ASXL1: variants seen among roughly 807,000 people sequenced by gnomAD.
ASXL1 encodes polycomb group protein ASXL1.
In ASXL1, 65 loss-of-function variants were observed where a neutral mutation model predicts 89.1. That is an observed-to-expected ratio of 0.73 (90% CI 0.60 to 0.90). ASXL1 has a LOEUF of 0.90. ASXL1 is among the 40% of genes least tolerant of loss of function. The probability of loss-of-function intolerance (pLI) is 0.00; values close to 1 mark genes in which losing one functional copy is unlikely to be tolerated. For missense variants in ASXL1, 1,786 were observed against 1,942.9 expected (o/e 0.92, Z 1.52); for synonymous variants, 739 against 746.9 (o/e 0.99, Z 0.17).
chr20:32,429,833 T>G lies in ASXL1; in HGVS notation c.566-68T>G, dbSNP rs2123220497. The G allele has an allele frequency of 3.2e-6, 5 of 1,573,552 alleles. No homozygotes were observed. Among genetic ancestry groups the G allele is most frequent in the East Asian group, 2.2e-5 (1 of 44,542 alleles). ...GCATCTCAGGGAGAGCTGGGAGAAA[T>G]GAGCTTGTCTGAGAGCCATGGGCGC... On this transcript the variant is annotated intron_variant, in intron 7 of 12. Coordinates refer to ENST00000375687, the MANE Select transcript of ASXL1 (RefSeq NM_015338.6). This position sits in a 1 kb window ranked among gnomAD's most constrained non-coding sequence, Gnocchi z 4.9.
intron 4 of ASXL1, among the ~76,000 whole-genome samples, chr20:32,406,760 C>T (rs994152814): frequency 6.6e-6 from 1 of 152,140 alleles, no homozygotes; most frequent in African/African-American, 2.4e-5. Context: ...TCTCAACCCG[C>T]GTGGGCTTCA....
intron 4 of ASXL1, among the ~76,000 whole-genome samples, chr20:32,403,785 C>T (rs975171318): frequency 5.3e-5 from 8 of 152,212 alleles, no homozygotes; most frequent in South Asian, 2.1e-4. Flanking sequence ...ATGCATTAAA[C>T]CCATTGGTTA....
In ASXL1 at chr20:32,436,375, ATCC is replaced by A; in HGVS notation, c.3666_3668del (p.Ser1223del). On this transcript the variant is annotated inframe_deletion, in exon 13 of 13. Transcript: ENST00000375687. ...TCCATCCAGTGACAAATCCCATTAC[ATCC>A]TCTAGGAAACTGGAAGAAATGGATT... is the stretch of plus-strand genomic sequence containing the variant. The A allele has an allele frequency of 6.2e-7, 1 of 1,613,708 alleles. No individual in the cohort carries two copies.
At chr20:32,400,500 G>T (rs986538576) in intron 4 of ASXL1, among the ~76,000 whole-genome samples, 2 of 152,132 alleles carry the variant, frequency 1.3e-5, no homozygotes, top group Admixed American at 1.3e-4. Flanking sequence ...AATCTTGAGG[G>T]TTGTCTTGAG....
rs2281542 is a variant in ASXL1, at chr20:32,427,840, T to C, written c.253-288T>C. ...ATTTGAGCTCCTTGAGAGCAGGGCC[T>C]TGATTCCTGCTCCTTAGCACTCCAC... On this transcript the variant is annotated intron_variant, in intron 4 of 12. Transcript: ENST00000375687. 157,588 of 406,346 alleles carry C rather than the reference T, an allele frequency of 0.39. 33,151 individuals are homozygous for C. The highest frequency in any genetic ancestry group is 0.74 in the East Asian group (13,747 of 18,614). 25.2% of individuals were successfully genotyped at this position (406,346 alleles called of 1,614,324 possible). A position where few individuals can be genotyped will look rare whatever the true frequency, so the allele number is the denominator to read the frequency against.
chr20:32,396,716 C>T (rs1458961927), intron 4 of ASXL1, among the ~76,000 whole-genome samples: 2 of 152,116 alleles, frequency 1.3e-5, no homozygotes, highest in African/African-American at 4.8e-5. Flanking sequence ...TCAGTGCCTA[C>T]AGCAGTAGGA....
At chr20:32,416,521 G>A (rs1054850319) in intron 4 of ASXL1, among the ~76,000 whole-genome samples, 4 of 152,138 alleles carry the variant, frequency 2.6e-5, no homozygotes, top group Admixed American at 6.6e-5. Flanking sequence ...TTATATAAGT[G>A]TATTTTATTT....
intron 10 of ASXL1, among the ~76,000 whole-genome samples, chr20:32,431,999 T>C (rs956746151): frequency 6.6e-6 from 1 of 152,198 alleles, no homozygotes; most frequent in African/African-American, 2.4e-5. Context: ...CACTGTGGAG[T>C]TGAGAAGCTC....
Position 32,435,687 on chromosome 20 carries a change from TG to T in ASXL1, c.2976del (p.Ser993ValfsTer31), listed in dbSNP as rs1303681654. On this transcript the variant is annotated frameshift_variant, in exon 13 of 13. Transcript: ENST00000375687. LOFTEE classifies it low-confidence loss of function (END_TRUNC). ...KLKINGDSEA[L>X]SPHGESTDTA... ...AAAATCAACGGAGACTCTGAAGCAC[TG>T]AGTCCTCACGGTGAGTCCACGGATA... 6.2e-7 allele frequency: 1 copy of T among 1,614,190 alleles called. No individual in the cohort carries two copies. The highest frequency in any genetic ancestry group is 1.7e-5 in the Admixed American group (1 of 60,028).
At chr20:32,362,204 A>G (rs968103112) in intron 1 of ASXL1, among the ~76,000 whole-genome samples, 1 of 152,352 alleles carries the variant, frequency 6.6e-6, no homozygotes, top group African/African-American at 2.4e-5. Flanking sequence ...TGATTAGAAC[A>G]CCTGAACACT....
chr20:32,373,082 C>T (rs1209749913), intron 4 of ASXL1, among the ~76,000 whole-genome samples: 4 of 147,346 alleles, frequency 2.7e-5, no homozygotes, highest in African/African-American at 9.9e-5. Context: ...TGTCCTTGTT[C>T]ATAATTTTGA....
At chr20:32,395,047 T>C (rs1468457677) in intron 4 of ASXL1, among the ~76,000 whole-genome samples, 1 of 152,180 alleles carries the variant, frequency 6.6e-6, no homozygotes, top group Non-Finnish European at 1.5e-5. Context: ...AAAATGTCTT[T>C]TACTTTATAT....
chr20:32,429,916 A>G lies in ASXL1; in HGVS notation c.581A>G (p.His194Arg), dbSNP rs771351026. The G allele has an allele frequency of 5.6e-6, 9 of 1,607,932 alleles. No individual in the cohort carries two copies. The highest frequency in any genetic ancestry group is 2.2e-5 in the East Asian group (1 of 44,856). Residue 194 changes from histidine to arginine, a missense_variant, in exon 8 of 13, where the codon CAC (histidine) becomes CGC (arginine). This residue lies in a region of ASXL1 where 332 missense variants were observed against 449.7 expected (regional missense o/e 0.74). Transcript: ENST00000375687. This position sits in a 1 kb window ranked among gnomAD's most constrained non-coding sequence, Gnocchi z 4.9. ...GTGCCTTCAGGGTTCTCGGGCTGCC[A>G]CGCCGATGGCGAGAGCGGCAGCCCG... The part of the protein sequence containing the change: ...VESASGFSGC[H>R]ADGESGSPSS...
rs2011517350 is a variant in ASXL1, at chr20:32,431,634, T to C, written c.934T>C (p.Phe312Leu). 1.2e-6 allele frequency: 2 copies of C among 1,613,534 alleles called. No homozygotes were observed. The highest frequency in any genetic ancestry group is 8.5e-7 in the Non-Finnish European group (1 of 1,179,974). Residue 312 changes from phenylalanine to leucine, a missense_variant, in exon 10 of 13, where the codon TTT becomes CTT. Phe to Leu is a conservative substitution (Grantham distance 22). Coordinates refer to ENST00000375687, the MANE Select transcript of ASXL1 (RefSeq NM_015338.6). ...RLSSSALNNE[F>L]FTHAAQSWRE... ...CAGCAGCAGTGCACTAAATAACGAG[T>C]TTTTTACCCATGCGGCTCAGAGCTG...
At position 32,433,934 on chromosome 20, in the gene ASXL1, T is replaced by G; in HGVS notation, c.1719+17T>G. 6.2e-7 allele frequency: 1 copy of G among 1,611,752 alleles called. No individual in the cohort carries two copies. Among genetic ancestry groups the G allele is most frequent in the Non-Finnish European group, 8.5e-7 (1 of 1,180,002 alleles). Reference sequence around the variant, plus strand: ...CCCATCCGGGTAGGAGACTGTTTGATTCCTGGCTGCCCTGGAGCCAGGTTT... The same window carrying G: ...CCCATCCGGGTAGGAGACTGTTTGAGTCCTGGCTGCCCTGGAGCCAGGTTT... On this transcript the variant is annotated intron_variant, in intron 12 of 12. Coordinates refer to ENST00000375687, the MANE Select transcript of ASXL1 (RefSeq NM_015338.6).
chr20:32,419,629 T>C (rs1386494998), intron 4 of ASXL1, among the ~76,000 whole-genome samples: 1 of 152,090 alleles, frequency 6.6e-6, no homozygotes, highest in Non-Finnish European at 1.5e-5. Flanking sequence ...ATTTTTGTTA[T>C]AAATTATATT....
chr20:32,359,486 A>G (rs996348125), intron 1 of ASXL1: 2 of 663,996 alleles, frequency 3.0e-6, no homozygotes, highest in African/African-American at 3.6e-5. Flanking sequence ...GGTCTGGGAT[A>G]GAGCCTGGGA....
chr20:32,370,535 A>G (rs1181292095), intron 4 of ASXL1, among the ~76,000 whole-genome samples: 1 of 152,218 alleles, frequency 6.6e-6, no homozygotes, highest in Non-Finnish European at 1.5e-5. Context: ...ACTTGTCGAC[A>G]TTGGAGAAAC....
intron 4 of ASXL1, among the ~76,000 whole-genome samples, chr20:32,389,001 T>A (rs1441955535): frequency 1.4e-5 from 2 of 145,678 alleles, no homozygotes; most frequent in Non-Finnish European, 3.2e-5. Flanking sequence ...TTTTACACTC[T>A]ATTTTATTTA....
Sources: allele counts gnomAD v4.1 joint callset (sites outside exome capture counted in the v4.1 genomes callset), GRCh38; gene constraint gnomAD v4.1.1; regional missense constraint gnomAD v4.1.1; non-coding constraint Gnocchi (gnomAD v3.1); transcripts MANE v1.5; gene names NCBI Gene and HGNC (gene_info 2026-07-23, HGNC 2026-07-21).